The following EEFSEC variants were observed in gnomAD, a reference collection of about 807,000 sequenced individuals.
The protein encoded by EEFSEC is selenocysteine-specific elongation factor.
Under a neutral mutation model 42.1 loss-of-function variants are expected in EEFSEC, and 43 were observed. That is an observed-to-expected ratio of 1.02 (90% confidence interval 0.80 to 1.32). The LOEUF is 1.32. Ranked by LOEUF, EEFSEC falls within the 40% of genes most tolerant of loss-of-function variation. The pLI, the probability that EEFSEC is intolerant of heterozygous loss-of-function variation, is 0.00. For synonymous variants in EEFSEC, 354 were observed against 339.1 expected (o/e 1.04, Z -0.48); for missense variants, 745 against 803.6 (o/e 0.93, Z 0.88).
intron 4 of EEFSEC, among the ~76,000 whole-genome samples, chr3:128,318,108 G>A (rs919549112): frequency 2.6e-5 from 4 of 152,218 alleles, no homozygotes; most frequent in African/African-American, 9.6e-5. Context: ...GGAGAGCCAG[G>A]CCGTCAGCCT....
chr3:128,255,898 A>G (rs1050021171), intron 2 of EEFSEC, among the ~76,000 whole-genome samples: 1 of 151,988 alleles, frequency 6.6e-6, no homozygotes, highest in Non-Finnish European at 1.5e-5. Context: ...GCCCCCATAG[A>G]CCTGGCAGCA....
At chr3:128,182,975 T>C (rs1333033615) in intron 1 of EEFSEC, among the ~76,000 whole-genome samples, 3 of 152,118 alleles carry the variant, frequency 2.0e-5, no homozygotes, top group African/African-American at 7.2e-5. Context: ...TTTACCCTCT[T>C]TTTGTATGCC....
chr3:128,181,826 T>C (rs2065408824), intron 1 of EEFSEC, among the ~76,000 whole-genome samples: 1 of 152,248 alleles, frequency 6.6e-6, no homozygotes, highest in South Asian at 2.1e-4. Flanking sequence ...TGTTTGTTTG[T>C]TTTTTGATAC....
At chr3:128,422,147 A>T in the EEFSEC span, among the ~76,000 whole-genome samples, 2 of 152,094 alleles carry the variant, frequency 1.3e-5, no homozygotes, top group Non-Finnish European at 2.9e-5. Context: ...GCCCTGGGGC[A>T]ACTGCAGAGC....
intron 4 of EEFSEC, among the ~76,000 whole-genome samples, chr3:128,312,926 G>T (rs982747060): frequency 6.6e-6 from 1 of 152,202 alleles, no homozygotes; most frequent in African/African-American, 2.4e-5. Context: ...AAGATGGTCT[G>T]GTTTGAGGGT....
intron 4 of EEFSEC, among the ~76,000 whole-genome samples, chr3:128,322,415 C>T (rs1259506172): frequency 2.0e-5 from 3 of 152,242 alleles, no homozygotes; most frequent in South Asian, 2.1e-4. Flanking sequence ...ATCATCATCA[C>T]GGTCATCACA....
intron 1 of EEFSEC, among the ~76,000 whole-genome samples, chr3:128,190,334 T>C (rs553461342): frequency 2.0e-5 from 3 of 152,370 alleles, no homozygotes; most frequent in African/African-American, 7.2e-5. Flanking sequence ...GACAGTGATG[T>C]TGATGATCCT....
intron 1 of EEFSEC, among the ~76,000 whole-genome samples, chr3:128,229,386 C>G (rs891564781): frequency 2.0e-5 from 3 of 152,192 alleles, no homozygotes; most frequent in Admixed American, 6.5e-5. Context: ...CATTTGGACC[C>G]CAGAGAGCCC....
chr3:128,269,599 T>A (rs144421941), intron 4 of EEFSEC, among the ~76,000 whole-genome samples: 1 of 152,160 alleles, frequency 6.6e-6, no homozygotes, highest in East Asian at 1.9e-4. Context: ...CCATTCCAAA[T>A]AAACAGTCAC....
chr3:128,377,942 G>T (rs1474808988), intron 6 of EEFSEC, among the ~76,000 whole-genome samples: 8 of 152,128 alleles, frequency 5.3e-5, no homozygotes, highest in Non-Finnish European at 1.0e-4. Flanking sequence ...TCTTTAATTT[G>T]CATTTCTTTG....
intron 4 of EEFSEC, among the ~76,000 whole-genome samples, chr3:128,266,265 T>C (rs192110597): frequency 3.4e-4 from 52 of 152,236 alleles, no homozygotes; most frequent in African/African-American, 1.2e-3. Context: ...AGTTGACACA[T>C]AAAATGAACC....
At chr3:128,271,987 G>A (rs1393635374) in intron 4 of EEFSEC, among the ~76,000 whole-genome samples, 1 of 152,178 alleles carries the variant, frequency 6.6e-6, no homozygotes, top group Non-Finnish European at 1.5e-5. Flanking sequence ...TGTGTATCAG[G>A]CAGTACTCTG....
chr3:128,261,360 T>C (rs541446193), intron 2 of EEFSEC, among the ~76,000 whole-genome samples: 1 of 152,342 alleles, frequency 6.6e-6, no homozygotes, highest in African/African-American at 2.4e-5. Flanking sequence ...TAAGTTGTTA[T>C]TGTTGTTGCT....
At chr3:128,392,725 A>T (rs942724758) in intron 6 of EEFSEC, among the ~76,000 whole-genome samples, 1 of 151,968 alleles carries the variant, frequency 6.6e-6, no homozygotes, top group African/African-American at 2.4e-5. Flanking sequence ...CTCCCGCCTC[A>T]CCCCTGAGCC....
chr3:128,321,001 C>T (rs904763494), intron 4 of EEFSEC, among the ~76,000 whole-genome samples: 4 of 152,198 alleles, frequency 2.6e-5, no homozygotes, highest in Non-Finnish European at 5.9e-5. Context: ...TCCATGTGAG[C>T]TTATAGAACA....
At chr3:128,343,871 C>T (rs904146026) in intron 5 of EEFSEC, among the ~76,000 whole-genome samples, 2 of 152,232 alleles carry the variant, frequency 1.3e-5, no homozygotes, top group Non-Finnish European at 2.9e-5. Context: ...GAAGTGGAAG[C>T]ACAAGAACTG....
intron 6 of EEFSEC, among the ~76,000 whole-genome samples, chr3:128,382,650 G>A (rs2067790992): frequency 6.6e-6 from 1 of 152,120 alleles, no homozygotes. Flanking sequence ...CTTTGTGGCT[G>A]CCTTAAAGAA....
At chr3:128,158,181 A>G (rs971200285) in intron 1 of EEFSEC, among the ~76,000 whole-genome samples, 3 of 152,180 alleles carry the variant, frequency 2.0e-5, no homozygotes, top group Non-Finnish European at 4.4e-5. Context: ...CTACAATCTC[A>G]TGATCAATCT....
At chr3:128,234,268 GT>G (rs1352008732) in intron 1 of EEFSEC, among the ~76,000 whole-genome samples, 1 of 152,120 alleles carries the variant, frequency 6.6e-6, no homozygotes, top group Non-Finnish European at 1.5e-5. Flanking sequence ...GGCCAGGCTG[GT>G]GTTGAACTCC....
Sources: gnomAD v4.1 joint callset for allele counts (sites outside exome capture counted in the v4.1 genomes callset) on GRCh38, gnomAD v4.1.1 for gene constraint, MANE v1.5 for transcripts, NCBI Gene and HGNC (gene_info 2026-07-23, HGNC 2026-07-21) for gene names.